SDK1: variants seen among roughly 807,000 people sequenced by gnomAD.
SDK1 encodes sidekick cell adhesion molecule 1.
Under a neutral mutation model 245.5 loss-of-function variants are expected in SDK1, and 157 were observed. The observed-to-expected ratio is 0.64, with a 90% confidence interval of 0.56 to 0.73. SDK1 has a LOEUF of 0.73. SDK1 is among the 30% of genes least tolerant of loss of function. The pLI, the probability that SDK1 is intolerant of heterozygous loss-of-function variation, is 0.00. For missense variants in SDK1, 3,583 were observed against 3,002.3 expected (o/e 1.19, Z -4.52); for synonymous variants, 1,647 against 1,278.5 (o/e 1.29, Z -6.15).
intron 1 of SDK1, among the ~76,000 whole-genome samples, chr7:3,514,458 C>T (rs1465071176): frequency 1.3e-5 from 2 of 152,168 alleles, no homozygotes; most frequent in Non-Finnish European, 2.9e-5. Flanking sequence ...GTTTGTTTCT[C>T]TCTTAAATGT....
At chr7:3,920,604 A>G (rs1033158650) in intron 5 of SDK1, among the ~76,000 whole-genome samples, 1 of 152,174 alleles carries the variant, frequency 6.6e-6, no homozygotes, top group Non-Finnish European at 1.5e-5. Flanking sequence ...GATTCGTTGC[A>G]TTCTAGCTGC....
chr7:3,437,914 G>C (rs1359039947), intron 1 of SDK1, among the ~76,000 whole-genome samples: 1 of 152,204 alleles, frequency 6.6e-6, no homozygotes, highest in African/African-American at 2.4e-5. Context: ...AGAGAACGCA[G>C]TGGTAATGAG....
chr7:4,102,345 T>C (rs1177544678), intron 22 of SDK1, among the ~76,000 whole-genome samples: 2 of 152,114 alleles, frequency 1.3e-5, no homozygotes, highest in East Asian at 1.9e-4. Flanking sequence ...GGGTACTCAG[T>C]GTCTGTGGAA....
chr7:3,807,000 T>C (rs1311345081), intron 4 of SDK1, among the ~76,000 whole-genome samples: 1 of 152,198 alleles, frequency 6.6e-6, no homozygotes, highest in East Asian at 1.9e-4. Flanking sequence ...GAGTTATCGA[T>C]AGCTGTATTT....
At chr7:3,662,062 T>C (rs1783380773) in intron 4 of SDK1, among the ~76,000 whole-genome samples, 1 of 148,328 alleles carries the variant, frequency 6.7e-6, no homozygotes, top group Admixed American at 6.8e-5. Flanking sequence ...TTTTTTTTTT[T>C]TTGGTGTTCC....
At chr7:3,398,978 A>G (rs1429556070) in intron 1 of SDK1, among the ~76,000 whole-genome samples, 5 of 151,770 alleles carry the variant, frequency 3.3e-5, no homozygotes, top group Non-Finnish European at 7.4e-5. Flanking sequence ...GTTTTCCACT[A>G]TTTTTCATGT....
intron 35 of SDK1, 137 bp downstream of exon 35, chr7:4,178,723 C>T: frequency 1.6e-6 from 1 of 624,644 alleles, no homozygotes; most frequent in Admixed American, 2.8e-5. Flanking sequence ...GGGCTGAGGT[C>T]TCCACGCCAC....
intron 36 of SDK1, among the ~76,000 whole-genome samples, chr7:4,206,526 G>A (rs922908499): frequency 5.3e-5 from 8 of 152,170 alleles, no homozygotes; most frequent in Non-Finnish European, 1.0e-4. Context: ...TTTGAGAACC[G>A]CCACGGTAAC....
intron 31 of SDK1, among the ~76,000 whole-genome samples, chr7:4,160,558 ACT>A (rs1379368748): frequency 1.3e-5 from 2 of 152,016 alleles, no homozygotes; most frequent in East Asian, 1.9e-4. Flanking sequence ...ACAGGCACAG[ACT>A]CTCTCCAGGG....
chr7:3,995,471 C>T (rs1426600682), intron 14 of SDK1, among the ~76,000 whole-genome samples: 5 of 152,220 alleles, frequency 3.3e-5, no homozygotes, highest in Admixed American at 3.3e-4. Flanking sequence ...CCCCTGGGGG[C>T]GCTGACCCCA....
At chr7:4,043,280 AGT>A (rs1788774519) in intron 17 of SDK1, among the ~76,000 whole-genome samples, 1 of 149,384 alleles carries the variant, frequency 6.7e-6, no homozygotes, top group Admixed American at 6.6e-5. Flanking sequence ...GCCCAGGTAG[AGT>A]GAGTGTCACA....
chr7:4,205,474 A>C (rs1784163691), intron 35 of SDK1, among the ~76,000 whole-genome samples: 1 of 152,164 alleles, frequency 6.6e-6, no homozygotes, highest in Non-Finnish European at 1.5e-5. Context: ...TCTCACAGCA[A>C]CCATCAGACC....
chr7:4,232,415 T>C lies in SDK1; in HGVS notation c.5828-840T>C, dbSNP rs866527690. On this transcript the variant is annotated intron_variant, in intron 40 of 44. Transcript: ENST00000404826. ...TTCTTTTCTTTTCTTTTCTTTCTTTTTTTTTTTTTTTTGTTATAATGTGAA... is the reference window on the plus strand; with the variant it reads ...TTCTTTTCTTTTCTTTTCTTTCTTTCTTTTTTTTTTTTGTTATAATGTGAA... Among the ~76,000 whole-genome samples the C allele has an allele frequency of 8.3e-5, 12 of 144,474 alleles. 1 individual carries two copies. The highest frequency in any genetic ancestry group is 4.4e-4 in the South Asian group (2 of 4,574). 94.8% of individuals were successfully genotyped at this position (144,474 alleles called of 152,430 possible).
chr7:3,414,476 G>T (rs1333504662), intron 1 of SDK1, among the ~76,000 whole-genome samples: 1 of 152,096 alleles, frequency 6.6e-6, no homozygotes, highest in African/African-American at 2.4e-5. Flanking sequence ...TCTTTGGTAT[G>T]TTTTAGTTTT....
chr7:4,079,583 A>G lies in SDK1; in HGVS notation c.3323A>G (p.Gln1108Arg), dbSNP rs1210496996. 1.2e-6 allele frequency: 2 copies of G among 1,614,018 alleles called. No homozygotes were observed. The highest frequency in any genetic ancestry group is 1.7e-6 in the Non-Finnish European group (2 of 1,179,980). The change falls in exon 22 of 45, where the codon CAG (glutamine) becomes CGG (arginine). Residue 1108 changes from glutamine (Q) to arginine (R), a missense_variant and splice_region_variant. By Grantham distance (43) the Gln-to-Arg change is conservative (BLOSUM62 1). Coordinates refer to ENST00000404826, the MANE Select transcript of SDK1 (RefSeq NM_152744.4). ...ATCTCCAGGTGGATTGTTGAGGGGCAGGTACGTGTGTCGTTAGACTGGGAG... is the reference window on the plus strand; with the variant it reads ...ATCTCCAGGTGGATTGTTGAGGGGCGGGTACGTGTGTCGTTAGACTGGGAG... The part of the protein sequence containing the change: ...TSISRWIVEG[Q>R]VGAIGDEEEW...
At chr7:3,403,392 G>A (rs1358396510) in intron 1 of SDK1, among the ~76,000 whole-genome samples, 1 of 152,066 alleles carries the variant, frequency 6.6e-6, no homozygotes, top group East Asian at 1.9e-4. Context: ...AGAATTGTTA[G>A]TTATTATTGC....
intron 29 of SDK1, among the ~76,000 whole-genome samples, chr7:4,149,028 C>T (rs1021525264): frequency 6.6e-6 from 1 of 151,748 alleles, no homozygotes; most frequent in African/African-American, 2.4e-5. Flanking sequence ...TGCACTCCAA[C>T]CTGGTGACAG....
chr7:3,724,591 T>C (rs1250434387), intron 4 of SDK1, among the ~76,000 whole-genome samples: 11 of 152,146 alleles, frequency 7.2e-5, no homozygotes, highest in Admixed American at 7.2e-4. Context: ...ATTAACAGAC[T>C]AAAAATGTTT....
At chr7:3,927,427 C>G (rs1779810637) in intron 5 of SDK1, among the ~76,000 whole-genome samples, 1 of 152,096 alleles carries the variant, frequency 6.6e-6, no homozygotes, top group African/African-American at 2.4e-5. Flanking sequence ...GTTCTCACAA[C>G]AACTCTGGAA....
Sources: gnomAD v4.1 joint callset for allele counts (sites outside exome capture counted in the v4.1 genomes callset) on GRCh38, gnomAD v4.1.1 for gene constraint, MANE v1.5 for transcripts, NCBI Gene and HGNC (gene_info 2026-07-23, HGNC 2026-07-21) for gene names.